Variants in SUGT1 observed in about 807,000 individuals in gnomAD.
SUGT1 encodes the protein protein SGT1 homolog.
A neutral mutation model predicts 56.1 loss-of-function variants in SUGT1; 15 were observed. That is an observed-to-expected ratio of 0.27 (90% CI 0.18 to 0.41). The LOEUF (loss-of-function observed/expected upper bound fraction) is 0.41. Among genes scored for constraint, SUGT1 ranks in the 10% least tolerant of loss-of-function variants. The pLI is 1.00. For missense variants in SUGT1, 347 were observed against 382.2 expected (o/e 0.91, Z 0.77); for synonymous variants, 123 against 128.6 (o/e 0.96, Z 0.30).
Position 52,689,398 on chromosome 13 carries a change from T to G in SUGT1, c.*1563T>G, listed in dbSNP as rs1963709301. The G allele has an allele frequency of 6.6e-6, 1 of 152,202 alleles. No homozygotes were observed. Among genetic ancestry groups the G allele is most frequent in the South Asian group, 2.1e-4 (1 of 4,822 alleles). 9.4% of individuals were successfully genotyped at this position (152,202 alleles called of 1,614,324 possible). ...GACTTTTGTATTCTGTATGTTAAAT[T>G]TTCTCAGTACCATTAATCCTAAGAT... On this transcript the variant is annotated 3_prime_UTR_variant, in exon 13 of 13. Transcript: ENST00000310528.
chr13:52,683,937 G>A (rs952837464), intron 12 of SUGT1, among the ~76,000 whole-genome samples: 5 of 152,186 alleles, frequency 3.3e-5, no homozygotes, highest in Non-Finnish European at 7.3e-5. Flanking sequence ...CTAGAGTGTA[G>A]TAGTGTGATC....
Position 52,699,027 on chromosome 13 carries a change from G to A in SUGT1, c.*11192G>A, listed in dbSNP as rs917647202. Reference sequence around the variant, plus strand: ...AACACAGTGATGTCAAGGAGTAAAGGAGAGAACAGAAGTGAGATTAGCACT... The same window carrying A: ...AACACAGTGATGTCAAGGAGTAAAGAAGAGAACAGAAGTGAGATTAGCACT... On this transcript the variant is annotated 3_prime_UTR_variant, in exon 13 of 13. Coordinates refer to ENST00000310528, the MANE Select transcript of SUGT1 (RefSeq NM_006704.5). 1.2e-4 allele frequency: 19 copies of A among 152,164 alleles called. No homozygotes were observed. The highest frequency in any genetic ancestry group is 1.1e-3 in the Admixed American group (17 of 15,268). 9.4% of individuals were successfully genotyped at this position (152,164 alleles called of 1,614,324 possible).
Position 52,692,975 on chromosome 13 carries a change from A to AT in SUGT1, c.*5141dup, listed in dbSNP as rs1963824738. The AT allele has an allele frequency of 6.6e-6, 1 of 152,196 alleles. No individual in the cohort carries two copies. The highest frequency in any genetic ancestry group is 1.5e-5 in the Non-Finnish European group (1 of 68,034). The allele number at this position is 152,196 out of a possible 1,614,324, so 9.4% of individuals were successfully genotyped here. Reference sequence around the variant, plus strand: ...TTTTTCCTTTAACTTGGGAGCTCTCATACCAGTTCCGTTGTACAAATGCTG... The same window carrying AT: ...TTTTTCCTTTAACTTGGGAGCTCTCATTACCAGTTCCGTTGTACAAATGCTG... On this transcript the variant is annotated 3_prime_UTR_variant, in exon 13 of 13. Transcript: ENST00000310528.
chr13:52,655,774 T>C (rs1962137204), intron 2 of SUGT1, among the ~76,000 whole-genome samples: 1 of 152,166 alleles, frequency 6.6e-6, no homozygotes, highest in African/African-American at 2.4e-5. Flanking sequence ...TTGTGAATAT[T>C]TGTATATGAG....
Position 52,679,976 on chromosome 13 carries a change from G to C in SUGT1, c.721G>C (p.Val241Leu). Residue 241 changes from valine to leucine, a missense_variant and splice_region_variant, in exon 12 of 13, where the codon GTA (valine) becomes CTA (leucine). Val to Leu is a conservative substitution (Grantham distance 32, BLOSUM62 1). Transcript: ENST00000310528. ...VPTPKQFVAD[V>L]KNLYPSSSPY... Reference sequence around the variant, plus strand: ...TTCTGCCTTTTTTTACTTCATAGATGTAAAGAACCTATATCCATCATCATC... The same window carrying C: ...TTCTGCCTTTTTTTACTTCATAGATCTAAAGAACCTATATCCATCATCATC... 7 of 1,585,298 alleles carry C rather than the reference G, an allele frequency of 4.4e-6. No individual in the cohort carries two copies. Among genetic ancestry groups the C allele is most frequent in the Non-Finnish European group, 6.0e-6 (7 of 1,172,184 alleles).
At position 52,698,763 on chromosome 13, in the gene SUGT1, C is replaced by G. The variant is rs1285551238; in HGVS notation, c.*10928C>G. The G allele has an allele frequency of 2.0e-5, 3 of 152,166 alleles. No individual in the cohort carries two copies. The highest frequency in any genetic ancestry group is 4.4e-5 in the Non-Finnish European group (3 of 68,058). 9.4% of individuals were successfully genotyped at this position (152,166 alleles called of 1,614,324 possible). On this transcript the variant is annotated 3_prime_UTR_variant, in exon 13 of 13. Transcript: ENST00000310528. The stretch of plus-strand genomic sequence containing the variant: ...TTTGCCCTAATCCTCTGCTGACATT[C>G]TGATATCGGACAACTAAAATTATAA...
In SUGT1 at chr13:52,689,324, TTTGG is replaced by T. The variant is rs1477003097; in HGVS notation, c.*1494_*1497del. 2.0e-5 allele frequency: 3 copies of T among 152,268 alleles called. No individual in the cohort carries two copies. In the East Asian group the frequency reaches 5.8e-4, roughly 29 times the overall value. 9.4% of individuals were successfully genotyped at this position (152,268 alleles called of 1,614,324 possible). A position where few individuals can be genotyped will look rare whatever the true frequency, so the allele number is the denominator to read the frequency against. On this transcript the variant is annotated 3_prime_UTR_variant, in exon 13 of 13. Coordinates refer to ENST00000310528, the MANE Select transcript of SUGT1 (RefSeq NM_006704.5). ...ACTGAAGGAAAAGGCAAAATTAAGT[TTTGG>T]TTGGATGGATTTCTAAAGTTTTCTT...
At chr13:52,657,312 C>G (rs1467871256) in intron 2 of SUGT1, among the ~76,000 whole-genome samples, 1 of 152,050 alleles carries the variant, frequency 6.6e-6, no homozygotes, top group Non-Finnish European at 1.5e-5. Context: ...CTTTACGGTA[C>G]AGAGATGCTA....
At chr13:52,666,169 T>G (rs373596340) in intron 9 of SUGT1, among the ~76,000 whole-genome samples, 5 of 152,354 alleles carry the variant, frequency 3.3e-5, no homozygotes, top group African/African-American at 1.2e-4. Context: ...CACTGCAGCC[T>G]CCTCCTCCTG....
intron 2 of SUGT1, among the ~76,000 whole-genome samples, chr13:52,653,475 CT>C (rs1962013174): frequency 6.6e-6 from 1 of 152,150 alleles, no homozygotes; most frequent in Non-Finnish European, 1.5e-5. Flanking sequence ...TCTTGCCATT[CT>C]TACGTAAAAG....
chr13:52,652,884 G>A lies in SUGT1; in HGVS notation c.-37G>A, dbSNP rs780665539. 1 of 1,607,148 alleles carries A rather than the reference G, an allele frequency of 6.2e-7. No individual in the cohort carries two copies. Among genetic ancestry groups the A allele is most frequent in the South Asian group, 1.1e-5 (1 of 90,580 alleles). ...GGTGGTGGAGGTGGTAACCGTGATA[G>A]TAGCAGCTCCGGCGGCAGCAACAGC... On this transcript the variant is annotated 5_prime_UTR_variant, in exon 1 of 13. Coordinates refer to ENST00000310528, the MANE Select transcript of SUGT1 (RefSeq NM_006704.5).
chr13:52,671,381 C>T (rs1962930124), intron 10 of SUGT1, among the ~76,000 whole-genome samples: 1 of 151,992 alleles, frequency 6.6e-6, no homozygotes, highest in African/African-American at 2.4e-5. Context: ...CACATCCTTA[C>T]ATATTCAACA....
chr13:52,684,032 C>T (rs1300253017), intron 12 of SUGT1, among the ~76,000 whole-genome samples: 3 of 151,978 alleles, frequency 2.0e-5, no homozygotes, highest in Admixed American at 2.0e-4. Context: ...AGGCATGTGC[C>T]GTCACATCCA....
intron 4 of SUGT1, among the ~76,000 whole-genome samples, chr13:52,658,756 T>TTTTC (rs1566175722): frequency 9.0e-6 from 1 of 111,650 alleles, no homozygotes. Flanking sequence ...TTTTTTTTTT[T>TTTTC]CAATCTTTTG....
At position 52,661,481 on chromosome 13, in the gene SUGT1, C is replaced by T. The variant is rs138527189; in HGVS notation, c.329-1168C>T. The T allele has an allele frequency of 7.6e-5, 24 of 317,520 alleles. 1 individual carries two copies. Among genetic ancestry groups the T allele is most frequent in the Non-Finnish European group, 1.1e-4 (18 of 161,446 alleles). The allele number at this position is 317,520 out of a possible 1,614,324, so 19.7% of individuals were successfully genotyped here. On this transcript the variant is annotated intron_variant, in intron 5 of 12. Coordinates refer to ENST00000310528, the MANE Select transcript of SUGT1 (RefSeq NM_006704.5). ...CTAATTTTTGTATTTTTAGTAGAGA[C>T]GGGGTTTCATCGTGTTGGCCAGGCT...
chr13:52,687,887 T>A lies in SUGT1; in HGVS notation c.*52T>A. On this transcript the variant is annotated 3_prime_UTR_variant, in exon 13 of 13. Transcript: ENST00000310528. ...GTGTATATTCACCTAATGCCCATTG[T>A]GTATTGATATTGCATTCTTGAATTT... The A allele has an allele frequency of 8.5e-7, 1 of 1,174,656 alleles. No individual in the cohort carries two copies. Among genetic ancestry groups the A allele is most frequent in the Non-Finnish European group, 1.2e-6 (1 of 840,564 alleles). 72.8% of individuals were successfully genotyped at this position (1,174,656 alleles called of 1,614,324 possible).
intron 10 of SUGT1, among the ~76,000 whole-genome samples, chr13:52,671,356 T>G (rs1389108020): frequency 6.6e-6 from 1 of 152,128 alleles, no homozygotes; most frequent in Non-Finnish European, 1.5e-5. Flanking sequence ...AGCTACATTT[T>G]GTTGATATTT....
chr13:52,670,246 T>A (rs1339896089), intron 10 of SUGT1, among the ~76,000 whole-genome samples: 1 of 152,252 alleles, frequency 6.6e-6, no homozygotes, highest in Admixed American at 6.5e-5. Flanking sequence ...GTAGCATTTC[T>A]TAACTATTTT....
In SUGT1 at chr13:52,653,112, GC is replaced by G; in HGVS notation, c.96+12del. ...CCCAGGCGGCGTTAGAGGTGAGAGA[GC>G]CCATTTCTGCTTCCTCCACTCTTCT... On this transcript the variant is annotated intron_variant, in intron 2 of 12. Coordinates refer to ENST00000310528, the MANE Select transcript of SUGT1 (RefSeq NM_006704.5). 1 of 1,614,102 alleles carries G rather than the reference GC, an allele frequency of 6.2e-7. No individual in the cohort carries two copies. The highest frequency in any genetic ancestry group is 8.5e-7 in the Non-Finnish European group (1 of 1,180,032).
Sources: gnomAD v4.1 joint callset for allele counts (sites outside exome capture counted in the v4.1 genomes callset) on GRCh38, gnomAD v4.1.1 for gene constraint, MANE v1.5 for transcripts, NCBI Gene and HGNC (gene_info 2026-07-23, HGNC 2026-07-21) for gene names.